The following CACNA1E variants were observed in gnomAD, a reference collection of about 807,000 sequenced individuals.
The protein encoded by CACNA1E is calcium voltage-gated channel subunit alpha1 E, also known as voltage-dependent R-type calcium channel subunit alpha-1E.
A neutral mutation model predicts 259.2 loss-of-function variants in CACNA1E; 40 were observed. The observed-to-expected ratio is 0.15, with a 90% CI of 0.12 to 0.20. The LOEUF is 0.20. Among genes scored for constraint, CACNA1E ranks in the 10% least tolerant of loss-of-function variants. The probability of loss-of-function intolerance (pLI) is 1.00; values close to 1 mark genes in which losing one functional copy is unlikely to be tolerated. For missense variants in CACNA1E, 1,874 were observed against 3,040.1 expected (o/e 0.62, Z 9.02); for synonymous variants, 1,104 against 1,138.5 (o/e 0.97, Z 0.61).
At chr1:181,408,599 T>G (rs1657628076) in intron 1 of CACNA1E, among the ~76,000 whole-genome samples, 1 of 152,088 alleles carries the variant, frequency 6.6e-6, no homozygotes. Flanking sequence ...AGAGCCCTTA[T>G]TCTGCCATTC....
intron 3 of CACNA1E, among the ~76,000 whole-genome samples, chr1:181,542,381 T>C (rs1267587224): frequency 2.6e-5 from 4 of 152,210 alleles, no homozygotes; most frequent in Non-Finnish European, 4.4e-5. Flanking sequence ...CAGACTTGAC[T>C]TGATGAAGAA....
chr1:181,508,583 T>C (rs1665915407), intron 1 of CACNA1E, among the ~76,000 whole-genome samples: 1 of 152,186 alleles, frequency 6.6e-6, no homozygotes, highest in South Asian at 2.1e-4. Flanking sequence ...TGGTTCCTGG[T>C]TGCTCTGCAT....
At chr1:181,739,580 C>T (rs962160823) in intron 25 of CACNA1E, among the ~76,000 whole-genome samples, 1 of 152,104 alleles carries the variant, frequency 6.6e-6, no homozygotes, top group African/African-American at 2.4e-5. Context: ...CAGCAATGGA[C>T]CCAGGAACAG....
intron 1 of CACNA1E, among the ~76,000 whole-genome samples, chr1:181,406,740 A>G (rs1657492768): frequency 6.6e-6 from 1 of 152,200 alleles, no homozygotes; most frequent in Non-Finnish European, 1.5e-5. Flanking sequence ...ATGCAAGGCT[A>G]TGTAATTTGC....
intron 1 of CACNA1E, among the ~76,000 whole-genome samples, chr1:181,367,668 T>C (rs1045459703): frequency 1.1e-4 from 17 of 150,180 alleles, no homozygotes; most frequent in African/African-American, 3.9e-4. Context: ...CTTCTAATTA[T>C]AACTTTAATT....
At chr1:181,428,374 C>G (rs1659460465) in intron 2 of CACNA1E, among the ~76,000 whole-genome samples, 1 of 152,170 alleles carries the variant, frequency 6.6e-6, no homozygotes, top group Non-Finnish European at 1.5e-5. Flanking sequence ...TCGGTTTTAT[C>G]CAGAGCTAGG....
rs56860322 is a variant in CACNA1E, at chr1:181,468,628, C to G, written c.435-15116C>G. 6.5e-3 allele frequency among the ~76,000 whole-genome samples: 985 copies of G among 152,266 alleles called. 9 individuals are homozygous for G. The highest frequency in any genetic ancestry group is 0.023 in the African/African-American group (939 of 41,546). Reference sequence around the variant, plus strand: ...ATAGTGGGGAGCCAAGATGTGTACACCACAGTATCTGAGGCAGGGTGACAT... The same window carrying G: ...ATAGTGGGGAGCCAAGATGTGTACAGCACAGTATCTGAGGCAGGGTGACAT... On this transcript the variant is annotated intron_variant, in intron 2 of 11. Coordinates refer to the CACNA1E transcript ENST00000524607.
At chr1:181,510,653 C>T (rs1281097256) in intron 2 of CACNA1E, 71 bp downstream of exon 2, 21 of 957,066 alleles carry the variant, frequency 2.2e-5, no homozygotes, top group African/African-American at 3.2e-5. Context: ...TGCTTTATCA[C>T]TCTCCCATTC....
chr1:181,455,630 A>G (rs1661416550), intron 2 of CACNA1E, among the ~76,000 whole-genome samples: 1 of 152,224 alleles, frequency 6.6e-6, no homozygotes, highest in Non-Finnish European at 1.5e-5. Context: ...TTCACCTTGT[A>G]TTCCAGAACT....
intron 6 of CACNA1E, among the ~76,000 whole-genome samples, chr1:181,590,217 G>A (rs571728415): frequency 1.3e-5 from 2 of 151,800 alleles, no homozygotes; most frequent in Non-Finnish European, 2.9e-5. Context: ...GATTGAACAG[G>A]ATCTTTTCTC....
chr1:181,570,169 T>C (rs368610946), intron 3 of CACNA1E, among the ~76,000 whole-genome samples: 12 of 152,252 alleles, frequency 7.9e-5, no homozygotes, highest in African/African-American at 1.9e-4. Context: ...GTAGACTTTT[T>C]TTTTTTTTAA....
intron 6 of CACNA1E, among the ~76,000 whole-genome samples, chr1:181,635,929 A>G (rs1657170496): frequency 6.6e-6 from 1 of 152,008 alleles, no homozygotes; most frequent in South Asian, 2.1e-4. Context: ...AGATCTGTAC[A>G]AAAGACACAG....
intron 6 of CACNA1E, among the ~76,000 whole-genome samples, chr1:181,599,829 T>C (rs112246112): frequency 6.6e-6 from 1 of 152,246 alleles, no homozygotes; most frequent in African/African-American, 2.4e-5. Context: ...TGTTGGTATT[T>C]CCAATTGCAT....
chr1:181,607,310 G>C lies in CACNA1E; in HGVS notation c.951+26534G>C, dbSNP rs535654831. Among the ~76,000 whole-genome samples, 5 of 152,306 alleles carry C rather than the reference G, an allele frequency of 3.3e-5. No homozygotes were observed. In the East Asian group the frequency reaches 9.6e-4, roughly 29 times the overall value. ...GTTCTGTTTTGTGTTATGATTATCA[G>C]CTATGTGTATATAAACTTTCACCAA... On this transcript the variant is annotated intron_variant, in intron 6 of 47. Transcript: ENST00000367573.
intron 2 of CACNA1E, among the ~76,000 whole-genome samples, chr1:181,453,524 A>G (rs1212286925): frequency 3.3e-5 from 5 of 152,278 alleles, no homozygotes; most frequent in African/African-American, 1.2e-4. Flanking sequence ...GGAGGCAGGG[A>G]GGGGTGGATG....
intron 2 of CACNA1E, among the ~76,000 whole-genome samples, chr1:181,416,440 C>T (rs778741778): frequency 3.3e-5 from 5 of 152,208 alleles, no homozygotes; most frequent in African/African-American, 7.2e-5. Context: ...TGTTTCTTTT[C>T]TTATCTGCTA....
intron 34 of CACNA1E, 47 bp downstream of exon 34, chr1:181,763,578 G>C (rs1168107929): frequency 6.9e-7 from 1 of 1,450,246 alleles, no homozygotes; most frequent in Non-Finnish European, 9.3e-7. Context: ...ATATCAGACA[G>C]TACAGCCAGG....
At chr1:181,529,984 G>A (rs2102723278) in intron 3 of CACNA1E, among the ~76,000 whole-genome samples, 1 of 152,272 alleles carries the variant, frequency 6.6e-6, no homozygotes, top group South Asian at 2.1e-4. Context: ...AGATTTGGAG[G>A]GGCCAGGGGT....
chr1:181,552,895 A>T (rs1648326683), intron 3 of CACNA1E, among the ~76,000 whole-genome samples: 1 of 151,978 alleles, frequency 6.6e-6, no homozygotes, highest in Non-Finnish European at 1.5e-5. Flanking sequence ...TGTTTCGGTT[A>T]CTGTAGCCTT....
Sources: allele counts gnomAD v4.1 joint callset (sites outside exome capture counted in the v4.1 genomes callset), GRCh38; gene constraint gnomAD v4.1.1; transcripts MANE v1.5; gene names NCBI Gene and HGNC (gene_info 2026-07-23, HGNC 2026-07-21).